The following NAV2 variants were observed in gnomAD, a reference collection of about 807,000 sequenced individuals.
NAV2 encodes the protein helicase, APC down-regulated 1.
A neutral mutation model predicts 223.2 loss-of-function variants in NAV2; 54 were observed. The observed-to-expected ratio is 0.24, with a 90% CI of 0.19 to 0.30. NAV2 has a LOEUF of 0.30. Ranked by LOEUF, NAV2 falls within the 10% of genes least tolerant of loss-of-function variation. The pLI, the probability that NAV2 is intolerant of heterozygous loss-of-function variation, is 1.00. For missense variants in NAV2, 2,806 were observed against 3,147.5 expected (o/e 0.89, Z 2.60); for synonymous variants, 1,279 against 1,239.3 (o/e 1.03, Z -0.67).
At chr11:19,935,859 T>TTTTTGTTTTTTTTTTTTTTTG (rs1565594594) in intron 7 of NAV2, among the ~76,000 whole-genome samples, 2 of 104,040 alleles carry the variant, frequency 1.9e-5, no homozygotes, top group African/African-American at 6.7e-5. Context: ...CTGTTTTTTT[T>TTTTTGTTTTTTTTTTTTTTTG]TTTTTTTTTT....
At chr11:19,376,193 C>T (rs1848635545) in intron 1 of NAV2, among the ~76,000 whole-genome samples, 1 of 152,110 alleles carries the variant, frequency 6.6e-6, no homozygotes, top group Admixed American at 6.6e-5. Flanking sequence ...ACTTCCTGCT[C>T]AAAACTTTTT....
At chr11:19,687,312 A>G (rs2152248119) in intron 1 of NAV2, among the ~76,000 whole-genome samples, 1 of 152,348 alleles carries the variant, frequency 6.6e-6, no homozygotes, top group South Asian at 2.1e-4. Flanking sequence ...TTATCCAGAT[A>G]GTCAATCTCC....
intron 11 of NAV2, among the ~76,000 whole-genome samples, chr11:20,023,802 C>T (rs1564865047): frequency 6.6e-6 from 1 of 151,196 alleles, no homozygotes; most frequent in Admixed American, 6.6e-5. Flanking sequence ...TACCTTATGA[C>T]CTATAGAGCT....
At chr11:19,950,094 C>T (rs2047261949) in intron 10 of NAV2, among the ~76,000 whole-genome samples, 2 of 152,184 alleles carry the variant, frequency 1.3e-5, no homozygotes, top group Non-Finnish European at 2.9e-5. Context: ...CTTCTTCCTT[C>T]ATCTGTTAAC....
chr11:19,930,921 A>G (rs1187906050), intron 6 of NAV2, among the ~76,000 whole-genome samples: 1 of 152,230 alleles, frequency 6.6e-6, no homozygotes, highest in African/African-American at 2.4e-5. Flanking sequence ...TACATAAGCT[A>G]GTAGAATGCG....
intron 1 of NAV2, among the ~76,000 whole-genome samples, chr11:19,685,143 C>T (rs917839028): frequency 6.6e-6 from 1 of 152,152 alleles, no homozygotes; most frequent in Non-Finnish European, 1.5e-5. Flanking sequence ...CCAGCGAATC[C>T]CAGACCTTCC....
chr11:19,406,625 T>G, intron 1 of NAV2, among the ~76,000 whole-genome samples: 1 of 152,124 alleles, frequency 6.6e-6, no homozygotes, highest in Non-Finnish European at 1.5e-5. Context: ...AGGCTCTTCC[T>G]CTTTCCCCTC....
chr11:19,474,948 C>G (rs1354378631), intron 1 of NAV2, among the ~76,000 whole-genome samples: 1 of 152,222 alleles, frequency 6.6e-6, no homozygotes, highest in Non-Finnish European at 1.5e-5. Context: ...AAGCTGCCAG[C>G]CTGGTGCCCA....
exon 1 of NAV2, chr11:19,350,857 C>G: frequency 8.2e-7 from 1 of 1,221,818 alleles, no homozygotes; most frequent in Non-Finnish European, 1.2e-6. Flanking sequence ...GGAACTCTGT[C>G]TGGCTGTTGC....
intron 10 of NAV2, among the ~76,000 whole-genome samples, chr11:19,980,289 T>C (rs998212936): frequency 3.3e-5 from 5 of 151,664 alleles, no homozygotes; most frequent in African/African-American, 1.2e-4. Context: ...CTCGGGAGGG[T>C]AATGGGGAGA....
intron 1 of NAV2, among the ~76,000 whole-genome samples, chr11:19,556,905 T>G (rs139976937): frequency 6.6e-6 from 1 of 152,308 alleles, no homozygotes; most frequent in East Asian, 1.9e-4. Context: ...CCTATCCAAG[T>G]TCATGTACTC....
chr11:19,854,305 C>T (rs568942448), intron 3 of NAV2, among the ~76,000 whole-genome samples: 1 of 152,256 alleles, frequency 6.6e-6, no homozygotes, highest in Non-Finnish European at 1.5e-5. Flanking sequence ...TAGCCTATGG[C>T]ATCTGCATGT....
chr11:20,059,628 TTA>T lies in NAV2; in HGVS notation c.4832-2678_4832-2677del, dbSNP rs144029702. ...AAGAATCAGAAACCAGTACAACAGATTACTCAAAGGCAGAGCGATCTCCGGAC... is the reference window on the plus strand; with the variant it reads ...AAGAATCAGAAACCAGTACAACAGATCTCAAAGGCAGAGCGATCTCCGGAC... On this transcript the variant is annotated intron_variant, in intron 19 of 37. Transcript: ENST00000349880. Among the ~76,000 whole-genome samples, 468 of 152,276 alleles carry T rather than the reference TTA, an allele frequency of 3.1e-3. 2 individuals are homozygous for T. The highest frequency in any genetic ancestry group is 0.011 in the African/African-American group (445 of 41,568).
chr11:19,681,513 A>T lies in NAV2; in HGVS notation c.76-150971A>T, dbSNP rs1297784895. Among the ~76,000 whole-genome samples the T allele has an allele frequency of 2.0e-5, 3 of 152,298 alleles. No individual in the cohort carries two copies. In the East Asian group the frequency reaches 5.8e-4, roughly 29 times the overall value. ...GTTGAGATCAGGTTTATCTTCTAGA[A>T]GCCTATCGATTTAATTATTTGGCAT... On this transcript the variant is annotated intron_variant, in intron 1 of 37. Transcript: ENST00000360655.
At chr11:19,748,469 T>C (rs1374694017) in intron 1 of NAV2, among the ~76,000 whole-genome samples, 1 of 152,224 alleles carries the variant, frequency 6.6e-6, no homozygotes, top group East Asian at 1.9e-4. Context: ...CTTCTCACTA[T>C]TTAATCTTTT....
chr11:19,404,320 G>C (rs921774014), intron 1 of NAV2, among the ~76,000 whole-genome samples: 6 of 152,224 alleles, frequency 3.9e-5, no homozygotes, highest in African/African-American at 1.4e-4. Context: ...TCAGATGAGA[G>C]AGGAGGAAGG....
chr11:19,479,929 G>T (rs1202970681), intron 1 of NAV2, among the ~76,000 whole-genome samples: 3 of 152,184 alleles, frequency 2.0e-5, no homozygotes, highest in African/African-American at 7.2e-5. Context: ...GGGCAGATTG[G>T]CAAACTGTGG....
At chr11:19,748,848 A>G (rs922230261) in intron 1 of NAV2, among the ~76,000 whole-genome samples, 1 of 152,260 alleles carries the variant, frequency 6.6e-6, no homozygotes, top group Non-Finnish European at 1.5e-5. Context: ...TCCAAAACAG[A>G]TGATGCTGCT....
chr11:19,349,017 T>A (rs576642584), upstream of NAV2, among the ~76,000 whole-genome samples: 8 of 152,078 alleles, frequency 5.3e-5, no homozygotes, highest in Admixed American at 1.3e-4. Flanking sequence ...GTGGAGATAG[T>A]GGTGGTGAGC....
Sources: gnomAD v4.1 joint callset for allele counts (sites outside exome capture counted in the v4.1 genomes callset) on GRCh38, gnomAD v4.1.1 for gene constraint, MANE v1.5 for transcripts, NCBI Gene and HGNC (gene_info 2026-07-23, HGNC 2026-07-21) for gene names.